ZIM2: variants seen among roughly 807,000 people sequenced by gnomAD.
ZIM2 encodes the protein zinc finger imprinted 2, also known as zinc finger protein 656.
A neutral mutation model predicts 38.6 loss-of-function variants in ZIM2; 14 were observed. That is an observed-to-expected ratio of 0.36 (90% CI 0.24 to 0.57). ZIM2 has a LOEUF of 0.57. Ranked by LOEUF, ZIM2 falls within the 20% of genes least tolerant of loss-of-function variation. The probability of loss-of-function intolerance (pLI) is 0.81; values close to 1 mark genes in which losing one functional copy is unlikely to be tolerated. For synonymous variants in ZIM2, 247 were observed against 245.8 expected (o/e 1.00, Z -0.04); for missense variants, 680 against 695.1 (o/e 0.98, Z 0.24).
chr19:56,783,763 C>G (rs2046445682), intron 10 of ZIM2, among the ~76,000 whole-genome samples: 3 of 152,124 alleles, frequency 2.0e-5, no homozygotes, highest in Admixed American at 2.0e-4. Flanking sequence ...CATTCATGCT[C>G]CAAATCTTAG....
chr19:56,817,164 C>T, intron 9 of ZIM2: 1 of 1,614,206 alleles, frequency 6.2e-7, no homozygotes, highest in African/African-American at 1.3e-5. Context: ...TGCTCACGCT[C>T]ATGGCTTTTC....
intron 9 of ZIM2, among the ~76,000 whole-genome samples, chr19:56,800,318 CA>C: frequency 6.6e-6 from 1 of 152,006 alleles, no homozygotes; most frequent in Non-Finnish European, 1.5e-5. Flanking sequence ...AATAAATACT[CA>C]TTAGATGTTG....
intron 3 of ZIM2, among the ~76,000 whole-genome samples, chr19:56,825,839 C>A (rs1159943918): frequency 2.6e-5 from 4 of 152,170 alleles, no homozygotes; most frequent in Admixed American, 2.6e-4. Context: ...TAAAGGAAAA[C>A]TGAAGGTGTT....
chr19:56,783,848 T>A (rs1021118932), intron 10 of ZIM2, among the ~76,000 whole-genome samples: 1 of 152,102 alleles, frequency 6.6e-6, no homozygotes, highest in East Asian at 1.9e-4. Context: ...AAAAAAAAGA[T>A]AGACTGACCT....
chr19:56,839,780 G>A (rs906615089), intron 1 of ZIM2, among the ~76,000 whole-genome samples: 2 of 151,514 alleles, frequency 1.3e-5, no homozygotes, highest in Admixed American at 6.6e-5. Context: ...CAGCGCCTGC[G>A]CGGCAAACCT....
chr19:56,838,510 C>A (rs1051083595), intron 1 of ZIM2, among the ~76,000 whole-genome samples: 1 of 152,168 alleles, frequency 6.6e-6, no homozygotes, highest in African/African-American at 2.4e-5. Context: ...CTCGCAGCTC[C>A]CCCACTAAGC....
chr19:56,817,422 T>C, intron 9 of ZIM2: 1 of 1,614,140 alleles, frequency 6.2e-7, no homozygotes, highest in Non-Finnish European at 8.5e-7. Flanking sequence ...TTCTGGGGAA[T>C]CTCTGTGACC....
Position 56,774,951 on chromosome 19 carries a change from G to T in ZIM2, c.1414C>A (p.Pro472Thr), listed in dbSNP as rs778088028. 1 of 1,614,088 alleles carries T rather than the reference G, an allele frequency of 6.2e-7. No homozygotes were observed. Among genetic ancestry groups the T allele is most frequent in the African/African-American group, 1.3e-5 (1 of 74,928 alleles). The change falls in exon 13 of 13, where the codon CCT becomes ACT. Residue 472 changes from proline to threonine, a missense_variant. Transcript: ENST00000629319. Reference protein sequence around the residue: ...LKAHEAARVLPPGLSHSKTYL... With the variant: ...LKAHEAARVLTPGLSHSKTYL... Reference sequence around the variant, plus strand: ...GTCTTGCTGTGGGACAACCCAGGAGGAAGGACTCTTGCTGCCTCATGGGCT... The same window carrying T: ...GTCTTGCTGTGGGACAACCCAGGAGTAAGGACTCTTGCTGCCTCATGGGCT...
intron 9 of ZIM2, chr19:56,816,936 C>G (rs2060034636): frequency 6.2e-7 from 1 of 1,614,046 alleles, no homozygotes; most frequent in Non-Finnish European, 8.5e-7. Flanking sequence ...CAAAACGTTT[C>G]CCTCCAACCT....
rs780776854 is a variant in ZIM2, at chr19:56,813,826, A to G, written c.490+3920T>C. 17 of 1,614,034 alleles carry G rather than the reference A, an allele frequency of 1.1e-5. No homozygotes were observed. Among genetic ancestry groups the G allele is most frequent in the African/African-American group, 4.0e-5 (3 of 74,914 alleles). On this transcript the variant is annotated intron_variant, in intron 9 of 12. Coordinates refer to ENST00000629319, the MANE Select transcript of ZIM2 (RefSeq NM_001387356.1). Reference sequence around the variant, plus strand: ...TTCGATGTAGCCTGAGCACTCCCCAAAGGCATTTGCAGGCTCAAATATGAT... The same window carrying G: ...TTCGATGTAGCCTGAGCACTCCCCAGAGGCATTTGCAGGCTCAAATATGAT...
At chr19:56,821,061 A>G (rs1204959780) in intron 7 of ZIM2, among the ~76,000 whole-genome samples, 1 of 152,158 alleles carries the variant, frequency 6.6e-6, no homozygotes, top group Non-Finnish European at 1.5e-5. Flanking sequence ...TTAAACCACA[A>G]CTGCCATAAT....
chr19:56,791,210 G>C (rs2046913351), intron 9 of ZIM2: 1 of 152,158 alleles, frequency 6.6e-6, no homozygotes, highest in African/African-American at 2.4e-5. Flanking sequence ...AGCAGCCTAA[G>C]TCTGAATCCT....
At chr19:56,834,980 G>T (rs2061944521) in intron 2 of ZIM2, among the ~76,000 whole-genome samples, 1 of 152,142 alleles carries the variant, frequency 6.6e-6, no homozygotes, top group Admixed American at 6.5e-5. Context: ...CTATGTGCTT[G>T]CTTCCCCACA....
At chr19:56,794,758 A>G (rs2047109195) in intron 9 of ZIM2, among the ~76,000 whole-genome samples, 1 of 152,160 alleles carries the variant, frequency 6.6e-6, no homozygotes, top group Non-Finnish European at 1.5e-5. Flanking sequence ...GCCTAGTTTA[A>G]TGCTTTACTG....
At chr19:56,811,314 C>G (rs2059526998) in intron 9 of ZIM2, 3 of 909,154 alleles carry the variant, frequency 3.3e-6, no homozygotes, top group Non-Finnish European at 3.9e-6. Flanking sequence ...TTATAATGAA[C>G]TGTTTAAATG....
intron 7 of ZIM2, among the ~76,000 whole-genome samples, chr19:56,820,878 G>A (rs2060419380): frequency 6.6e-6 from 1 of 152,188 alleles, no homozygotes; most frequent in Admixed American, 6.5e-5. Context: ...ACTGATATGT[G>A]AAGGAAAGGA....
chr19:56,802,092 G>C (rs749095171), intron 9 of ZIM2, among the ~76,000 whole-genome samples: 3 of 152,166 alleles, frequency 2.0e-5, no homozygotes, highest in Non-Finnish European at 2.9e-5. Flanking sequence ...CTGAAGGGAG[G>C]GGGAAGAGGG....
At chr19:56,830,061 C>T (rs922083334) in intron 2 of ZIM2, among the ~76,000 whole-genome samples, 1 of 152,218 alleles carries the variant, frequency 6.6e-6, no homozygotes, top group Non-Finnish European at 1.5e-5. Flanking sequence ...TCAATAAAAA[C>T]GTAGCTTATT....
At chr19:56,822,725 A>C in intron 6 of ZIM2, 28 bp downstream of exon 6, 2 of 1,612,636 alleles carry the variant, frequency 1.2e-6, no homozygotes, top group Non-Finnish European at 1.7e-6. Context: ...TATATCTCCT[A>C]CTGGGAAAGA....
Sources: gnomAD v4.1 joint callset for allele counts (sites outside exome capture counted in the v4.1 genomes callset) on GRCh38, gnomAD v4.1.1 for gene constraint, MANE v1.5 for transcripts, NCBI Gene and HGNC (gene_info 2026-07-23, HGNC 2026-07-21) for gene names.